The following GANC variants were observed in gnomAD, a reference collection of about 807,000 sequenced individuals.
GANC encodes glucosidase alpha, neutral C.
In GANC, 117 loss-of-function variants were observed where a neutral mutation model predicts 124.2. That is an observed-to-expected ratio of 0.94 (90% CI 0.81 to 1.10). The LOEUF is 1.10. Ranked by LOEUF, GANC falls within the 50% of genes least tolerant of loss-of-function variation. The probability of loss-of-function intolerance (pLI) is 0.00; values close to 1 mark genes in which losing one functional copy is unlikely to be tolerated. For synonymous variants in GANC, 377 were observed against 376.8 expected, an observed-to-expected ratio of 1.00 and a Z score of -0.01; for missense variants, 1,140 against 1,095.0, an observed-to-expected ratio of 1.04 and a Z score of -0.58.
intron 6 of GANC, among the ~76,000 whole-genome samples, chr15:42,305,600 A>C (rs2051987615): frequency 6.6e-6 from 1 of 152,230 alleles, no homozygotes; most frequent in African/African-American, 2.4e-5. Flanking sequence ...TACTGGGTAT[A>C]TTTCTAAAGA....
At chr15:42,345,982 C>G (rs1279771677) in intron 20 of GANC, 150 bp downstream of exon 20, 3 of 613,294 alleles carry the variant, frequency 4.9e-6, no homozygotes, top group Non-Finnish European at 8.6e-6. Context: ...GATCAAGGTG[C>G]CAGCCGATTC....
chr15:42,281,325 C>T (rs2051731708), intron 3 of GANC, among the ~76,000 whole-genome samples: 1 of 152,166 alleles, frequency 6.6e-6, no homozygotes, highest in African/African-American at 2.4e-5. Flanking sequence ...CTGTTAGAGA[C>T]AACAGAGGTG....
rs192544963 is a variant in GANC, at chr15:42,307,110, A to G, written c.625+498A>G. ...GGGCGAGTTTGTCTCTTTAGGAGAT[A>G]TCTTTCAGGTACTTGGGGCTTATGC... On this transcript the variant is annotated intron_variant, in intron 7 of 23. Coordinates refer to ENST00000318010, the MANE Select transcript of GANC (RefSeq NM_198141.3). Among the ~76,000 whole-genome samples the G allele has an allele frequency of 8.5e-4, 130 of 152,284 alleles. 1 individual carries two copies. Among genetic ancestry groups the G allele is most frequent in the Non-Finnish European group, 3.5e-4 (24 of 68,014 alleles).
chr15:42,276,601 ACAG>A (rs530730095), intron 2 of GANC, among the ~76,000 whole-genome samples, 191 bp downstream of exon 2: 67 of 152,316 alleles, frequency 4.4e-4, no homozygotes, highest in African/African-American at 1.5e-3. Context: ...TTTTCAATAA[ACAG>A]CTATTTTATT....
intron 2 of GANC, chr15:42,278,083 TGCCTG>T (rs2051693850): frequency 2.8e-6 from 1 of 361,644 alleles, no homozygotes; most frequent in Non-Finnish European, 5.8e-6. Context: ...CTACAGTGAA[TGCCTG>T]GTAACCTTGT....
chr15:42,309,184 T>G (rs2052026905), intron 8 of GANC, among the ~76,000 whole-genome samples: 1 of 152,194 alleles, frequency 6.6e-6, no homozygotes, highest in African/African-American at 2.4e-5. Flanking sequence ...GTTCAGGTGC[T>G]GTTTACTTTC....
chr15:42,340,072 CAG>C (rs1384087573), intron 17 of GANC, among the ~76,000 whole-genome samples, 160 bp downstream of exon 17: 2 of 152,164 alleles, frequency 1.3e-5, no homozygotes, highest in African/African-American at 4.8e-5. Flanking sequence ...GCGCGGTGAA[CAG>C]GGTGCTGGCT....
chr15:42,288,037 T>G (rs2051807928), intron 4 of GANC, among the ~76,000 whole-genome samples: 1 of 152,180 alleles, frequency 6.6e-6, no homozygotes, highest in South Asian at 2.1e-4. Context: ...ATTCTGTTTT[T>G]TCTTCATCCA....
intron 16 of GANC, among the ~76,000 whole-genome samples, chr15:42,339,098 T>C (rs955473328): frequency 6.6e-6 from 1 of 152,118 alleles, no homozygotes; most frequent in African/African-American, 2.4e-5. Context: ...CAAATTAATA[T>C]CATTCTTTTG....
At chr15:42,287,906 T>G (rs2051806625) in intron 4 of GANC, 88 bp downstream of exon 4, 1 of 1,391,042 alleles carries the variant, frequency 7.2e-7, no homozygotes, top group African/African-American at 1.5e-5. Flanking sequence ...TGTGCACTTC[T>G]TATTTTGGCT....
intron 2 of GANC, among the ~76,000 whole-genome samples, chr15:42,277,374 T>C (rs2051682002): frequency 6.6e-6 from 1 of 151,776 alleles, no homozygotes; most frequent in African/African-American, 2.4e-5. Context: ...CTACTAAAAA[T>C]ACAAAATTAG....
At chr15:42,330,449 A>G (rs2052233232) in intron 14 of GANC, 127 bp from the exon 15 acceptor site, 1 of 625,586 alleles carries the variant, frequency 1.6e-6, no homozygotes, top group Non-Finnish European at 2.8e-6. Flanking sequence ...TATTTGATGG[A>G]TTTATTTTAA....
intron 14 of GANC, among the ~76,000 whole-genome samples, chr15:42,329,738 C>T (rs1017316403): frequency 1.3e-5 from 2 of 152,114 alleles, no homozygotes; most frequent in Admixed American, 1.3e-4. Context: ...CACTCACTGG[C>T]CACTACCTCA....
At chr15:42,347,545 G>A (rs2052376563) in intron 20 of GANC, among the ~76,000 whole-genome samples, 1 of 152,128 alleles carries the variant, frequency 6.6e-6, no homozygotes. Flanking sequence ...TTTACCCTCA[G>A]AATTGAGTCA....
chr15:42,273,653 G>A lies in GANC; in HGVS notation c.-829G>A. 1 of 531,424 alleles carries A rather than the reference G, an allele frequency of 1.9e-6. No individual in the cohort carries two copies. The highest frequency in any genetic ancestry group is 3.3e-6 in the Non-Finnish European group (1 of 303,068). The allele number at this position is 531,424 out of a possible 1,614,324, so 32.9% of individuals were successfully genotyped here. A position where few individuals can be genotyped will look rare whatever the true frequency, so the allele number is the denominator to read the frequency against. ...AGATCGCTACATGCCAGCCTGGCCTGAGTCTTTTCTGTCTCCCAGCCGTTA... is the reference window on the plus strand; with the variant it reads ...AGATCGCTACATGCCAGCCTGGCCTAAGTCTTTTCTGTCTCCCAGCCGTTA... On this transcript the variant is annotated 5_prime_UTR_variant, in exon 1 of 24. Coordinates refer to ENST00000318010, the MANE Select transcript of GANC (RefSeq NM_198141.3).
intron 4 of GANC, among the ~76,000 whole-genome samples, chr15:42,288,392 A>G (rs940051305): frequency 1.3e-5 from 2 of 152,186 alleles, no homozygotes; most frequent in East Asian, 1.9e-4. Context: ...CAAAACTTTA[A>G]TCTCTTCTCA....
At chr15:42,347,370 C>T (rs1056612115) in intron 20 of GANC, among the ~76,000 whole-genome samples, 1 of 152,130 alleles carries the variant, frequency 6.6e-6, no homozygotes, top group Non-Finnish European at 1.5e-5. Flanking sequence ...GAGCAAAGCA[C>T]AAGCCCTTCT....
intron 6 of GANC, among the ~76,000 whole-genome samples, chr15:42,302,903 A>G (rs1167221841): frequency 3.3e-5 from 5 of 152,218 alleles, no homozygotes; most frequent in Non-Finnish European, 7.3e-5. Flanking sequence ...AATGACAGGG[A>G]GAATGGAACC....
intron 5 of GANC, among the ~76,000 whole-genome samples, chr15:42,293,206 A>G (rs1231210623): frequency 6.6e-6 from 1 of 152,198 alleles, no homozygotes; most frequent in East Asian, 1.9e-4. Context: ...GACCTGACAA[A>G]TGTTAATGTG....
Sources: allele counts gnomAD v4.1 joint callset (sites outside exome capture counted in the v4.1 genomes callset), GRCh38; gene constraint gnomAD v4.1.1; transcripts MANE v1.5; gene names NCBI Gene and HGNC (gene_info 2026-07-23, HGNC 2026-07-21).